MCM2: variants seen among roughly 807,000 people sequenced by gnomAD.
MCM2 encodes minichromosome maintenance complex component 2, also known as DNA replication licensing factor MCM2.
MCM2 carries 49 observed loss-of-function variants against 86.4 expected under a neutral mutation model. The observed-to-expected ratio is 0.57, with a 90% confidence interval of 0.45 to 0.72. The LOEUF is 0.72. Ranked by LOEUF, MCM2 falls within the 30% of genes least tolerant of loss-of-function variation. The pLI is 0.00. For missense variants in MCM2, 1,038 were observed against 1,259.9 expected (o/e 0.82, Z 2.67); for synonymous variants, 475 against 484.6 (o/e 0.98, Z 0.26).
intron 8 of MCM2, chr3:127,611,012 C>T (rs1238337530): frequency 4.4e-6 from 2 of 452,790 alleles, no homozygotes; most frequent in East Asian, 1.4e-4. Flanking sequence ...TGACCCTTGC[C>T]CTCAGAGCTC....
In MCM2 at chr3:127,617,240, C is replaced by T. The variant is rs755173255; in HGVS notation, c.1774-39C>T. On this transcript the variant is annotated intron_variant, in intron 10 of 15. Coordinates refer to ENST00000265056, the MANE Select transcript of MCM2 (RefSeq NM_004526.4). The surrounding 1 kb of genome is among the most constrained non-coding windows in gnomAD (Gnocchi z 4.1). ...CTCATCGGAGACTTAGTAGTAGGGGCGTGAACCATGCTAAGGGTGGGCCAT... is the reference window on the plus strand; with the variant it reads ...CTCATCGGAGACTTAGTAGTAGGGGTGTGAACCATGCTAAGGGTGGGCCAT... The T allele has an allele frequency of 2.1e-5, 34 of 1,612,776 alleles. No homozygotes were observed. Among genetic ancestry groups the T allele is most frequent in the Non-Finnish European group, 2.5e-5 (30 of 1,179,246 alleles).
chr3:127,605,471 G>C, intron 4 of MCM2, among the ~76,000 whole-genome samples: 1 of 34,280 alleles, frequency 2.9e-5, no homozygotes, highest in Admixed American at 4.0e-4. Flanking sequence ...ACGGAGTTTT[G>C]TTCTTGTTTC....
Position 127,617,713 on chromosome 3 carries a change from G to A in MCM2, c.1901-256G>A, listed in dbSNP as rs1203485388. 1.7e-6 allele frequency: 1 copy of A among 587,154 alleles called. No individual in the cohort carries two copies. The highest frequency in any genetic ancestry group is 3.0e-6 in the Non-Finnish European group (1 of 330,272). 36.4% of individuals were successfully genotyped at this position (587,154 alleles called of 1,614,324 possible). On this transcript the variant is annotated intron_variant, in intron 11 of 15. Transcript: ENST00000265056. This position sits in a 1 kb window ranked among gnomAD's most constrained non-coding sequence, Gnocchi z 4.1. ...TGGTCTCAGCAGCGAATGCGTAAAA[G>A]AACCCAGGCTCTGTCACCCACTGTG...
In MCM2 at chr3:127,604,823, T is replaced by C. The variant is rs577729085; in HGVS notation, c.412+40T>C. On this transcript the variant is annotated intron_variant, in intron 3 of 15. Coordinates refer to ENST00000265056, the MANE Select transcript of MCM2 (RefSeq NM_004526.4). ...CTGCCTGCCCGAGGGACTGGGAAGC[T>C]GGGAAGGAGTCTGGGAGGGGAGTAG... is the stretch of plus-strand genomic sequence containing the variant. 9.5e-6 allele frequency: 15 copies of C among 1,572,406 alleles called. 1 individual carries two copies. In the South Asian group the frequency reaches 1.7e-4, roughly 18 times the overall value.
intron 13 of MCM2, 38 bp downstream of exon 13, chr3:127,619,316 G>C (rs2074458576): frequency 1.3e-6 from 2 of 1,595,470 alleles, no homozygotes; most frequent in African/African-American, 1.3e-5. Flanking sequence ...GCTATGCAGA[G>C]AAGGAAGTGC....
In MCM2 at chr3:127,615,915, C is replaced by A; in HGVS notation, c.1482C>A (p.Gly494=). The A allele has an allele frequency of 6.2e-7, 1 of 1,614,196 alleles. No homozygotes were observed. Among genetic ancestry groups the A allele is most frequent in the Non-Finnish European group, 8.5e-7 (1 of 1,180,038 alleles). The change falls in exon 9 of 16, where the codon GGC becomes GGA. Residue 494 remains glycine (G), a synonymous_variant. Coordinates refer to ENST00000265056, the MANE Select transcript of MCM2 (RefSeq NM_004526.4). ...SIYGHEDIKR[G]LALALFGGEP... is the part of the protein sequence containing the mutation. ...ATGGTCATGAAGACATCAAGAGAGG[C>A]CTGGCTCTGGCCCTGTTCGGAGGGG...
chr3:127,609,829 T>C (rs2074380103), intron 8 of MCM2, among the ~76,000 whole-genome samples: 2 of 147,088 alleles, frequency 1.4e-5, no homozygotes, highest in Admixed American at 6.8e-5. Context: ...TGTTTCTCAG[T>C]CAACTTCCTT....
chr3:127,619,235 A>G lies in MCM2; in HGVS notation c.2222A>G (p.Asp741Gly). ...VHPKLNQMDQ[D>G]KVAKMYSDLR... ...CCGAAGCTCAACCAGATGGACCAGGACAAGGTGGCCAAGATGTACAGTGAC... is the reference window on the plus strand; with the variant it reads ...CCGAAGCTCAACCAGATGGACCAGGGCAAGGTGGCCAAGATGTACAGTGAC... The change falls in exon 13 of 16, where the codon GAC (aspartate) becomes GGC (glycine). Residue 741 changes from aspartate to glycine, a missense_variant. Asp to Gly is a moderately conservative substitution (Grantham distance 94). Around this residue, in one of 4 missense-constraint regions of MCM2, gnomAD observed 336 missense variants for 425.7 expected, o/e 0.79. Transcript: ENST00000265056. 1 of 1,614,188 alleles carries G rather than the reference A, an allele frequency of 6.2e-7. No individual in the cohort carries two copies. The highest frequency in any genetic ancestry group is 8.5e-7 in the Non-Finnish European group (1 of 1,180,034).
intron 8 of MCM2, among the ~76,000 whole-genome samples, chr3:127,611,987 C>T (rs986342979): frequency 3.3e-5 from 5 of 152,116 alleles, no homozygotes; most frequent in Non-Finnish European, 5.9e-5. Flanking sequence ...GCGTGAGCCA[C>T]CGCGCCCGGC....
At chr3:127,608,728 T>G in intron 7 of MCM2, 104 bp from the exon 8 acceptor site, 1 of 1,264,400 alleles carries the variant, frequency 7.9e-7, no homozygotes, top group African/African-American at 1.5e-5. Flanking sequence ...TATCTTGGTG[T>G]CTGTAGTGTG....
rs2074448295 is a variant in MCM2 at position 127,618,224 on chromosome 3, T to C, written c.2013+143T>C. ...TTCTAGTCCTGTTCCCTCGGTCTCT[T>C]CTCATGTCCAGAAGTCGCCCTGATT... is the stretch of plus-strand genomic sequence containing the variant. On this transcript the variant is annotated intron_variant, in intron 12 of 15. Coordinates refer to ENST00000265056, the MANE Select transcript of MCM2 (RefSeq NM_004526.4). This position sits in a 1 kb window ranked among gnomAD's most constrained non-coding sequence, Gnocchi z 4.0. 1.5e-6 allele frequency: 1 copy of C among 667,374 alleles called. No individual in the cohort carries two copies. Among genetic ancestry groups the C allele is most frequent in the Admixed American group, 2.2e-5 (1 of 44,776 alleles). The allele number at this position is 667,374 out of a possible 1,614,324, so 41.3% of individuals were successfully genotyped here. A position where few individuals can be genotyped will look rare whatever the true frequency, so the allele number is the denominator to read the frequency against.
At position 127,604,729 on chromosome 3, in the gene MCM2, C is replaced by T. The variant is rs557549454; in HGVS notation, c.358C>T (p.Arg120Cys). ...GGCAGCAGAGCGGGCCATGCGGCAGCGTGACCGGGAGGCTGGCCGGGGCCT... is the reference window on the plus strand; with the variant it reads ...GGCAGCAGAGCGGGCCATGCGGCAGTGTGACCGGGAGGCTGGCCGGGGCCT... ...REAAERAMRQ[R>C]DREAGRGLGR... The change falls in exon 3 of 16, where the codon CGT becomes TGT. Residue 120 changes from arginine to cysteine, a missense_variant. Transcript: ENST00000265056. 1.3e-5 allele frequency: 21 copies of T among 1,610,798 alleles called. No homozygotes were observed. Among genetic ancestry groups the T allele is most frequent in the Admixed American group, 5.0e-5 (3 of 59,752 alleles).
Position 127,606,270 on chromosome 3 carries a change from C to T in MCM2, c.826C>T (p.Arg276Cys), listed in dbSNP as rs981458128. ...ACTGGCCATGTACCCCAAGTACGAC[C>T]GCATCACCAACCACATCCATGTCCG... ...VVLAMYPKYD[R>C]ITNHIHVRIS... Residue 276 changes from arginine (R) to cysteine (C), a missense_variant, in exon 5 of 16, where the codon CGC (arginine) becomes TGC (cysteine). Transcript: ENST00000265056. The surrounding 1 kb of genome is among the most constrained non-coding windows in gnomAD (Gnocchi z 4.2). The T allele has an allele frequency of 1.1e-5, 17 of 1,614,114 alleles. No individual in the cohort carries two copies. The highest frequency in any genetic ancestry group is 2.7e-5 in the African/African-American group (2 of 74,942).
chr3:127,612,792 C>G (rs1362932009), intron 8 of MCM2, among the ~76,000 whole-genome samples: 1 of 152,138 alleles, frequency 6.6e-6, no homozygotes, highest in Non-Finnish European at 1.5e-5. Flanking sequence ...AAGCAGCACA[C>G]CTAGAGCCAG....
chr3:127,617,762 A>C lies in MCM2; in HGVS notation c.1901-207A>C. On this transcript the variant is annotated intron_variant, in intron 11 of 15. Coordinates refer to ENST00000265056, the MANE Select transcript of MCM2 (RefSeq NM_004526.4). The surrounding 1 kb of genome is among the most constrained non-coding windows in gnomAD (Gnocchi z 4.1). ...TGTTCTTGGTTTTTCCTCCTGGGGA[A>C]GCAGTTATGCTTTCTGTCTAAATTA... is the stretch of plus-strand genomic sequence containing the variant. The C allele has an allele frequency of 1.7e-6, 1 of 591,190 alleles. No homozygotes were observed. Among genetic ancestry groups the C allele is most frequent in the Non-Finnish European group, 3.0e-6 (1 of 332,144 alleles). The allele number at this position is 591,190 out of a possible 1,614,324, so 36.6% of individuals were successfully genotyped here. A position where few individuals can be genotyped will look rare whatever the true frequency, so the allele number is the denominator to read the frequency against.
chr3:127,619,311 G>T (rs751133795), intron 13 of MCM2, 33 bp downstream of exon 13: 1 of 1,598,858 alleles, frequency 6.3e-7, no homozygotes, highest in South Asian at 1.1e-5. Context: ...GAGGTGCTAT[G>T]CAGAGAAGGA....
chr3:127,617,981 ACC>A lies in MCM2; in HGVS notation c.1916_1917del (p.Pro639LeufsTer6). 6.2e-7 allele frequency: 1 copy of A among 1,613,072 alleles called. No homozygotes were observed. The highest frequency in any genetic ancestry group is 8.5e-7 in the Non-Finnish European group (1 of 1,179,626). On this transcript the variant is annotated frameshift_variant, in exon 12 of 16. Transcript: ENST00000265056. LOFTEE classifies it high-confidence loss of function. The surrounding 1 kb of genome is among the most constrained non-coding windows in gnomAD (Gnocchi z 4.1). ...CCCTGTGTTTCAGGAGGGCGCTACG[ACC>A]CCTCGCTGACTTTCTCTGAGAACGT...
Position 127,606,328 on chromosome 3 carries a change from G to A in MCM2, c.884G>A (p.Arg295His), listed in dbSNP as rs1202619807. ...CACCTGCCTCTGGTGGAGGAGCTGCGCTCGCTGAGGTGAGCTGAGGGCAGG... is the reference window on the plus strand; with the variant it reads ...CACCTGCCTCTGGTGGAGGAGCTGCACTCGCTGAGGTGAGCTGAGGGCAGG... ...ISHLPLVEEL[R>H]SLRQLHLNQL... The change falls in exon 5 of 16, where the codon CGC (arginine) becomes CAC (histidine). Residue 295 changes from arginine (R) to histidine (H), a missense_variant. Arg to His is a conservative substitution (Grantham distance 29). Coordinates refer to ENST00000265056, the MANE Select transcript of MCM2 (RefSeq NM_004526.4). The surrounding 1 kb of genome is among the most constrained non-coding windows in gnomAD (Gnocchi z 4.2). 1.1e-5 allele frequency: 17 copies of A among 1,614,084 alleles called. No individual in the cohort carries two copies. Among genetic ancestry groups the A allele is most frequent in the Non-Finnish European group, 1.4e-5 (16 of 1,180,012 alleles).
chr3:127,615,985 G>T (rs1474003626), intron 9 of MCM2, 30 bp downstream of exon 9: 1 of 1,538,066 alleles, frequency 6.5e-7, no homozygotes, highest in Admixed American at 1.7e-5. Context: ...CTGCAGGGGT[G>T]TTAGCAGCTT....
Sources: allele counts gnomAD v4.1 joint callset (sites outside exome capture counted in the v4.1 genomes callset), GRCh38; gene constraint gnomAD v4.1.1; regional missense constraint gnomAD v4.1.1; non-coding constraint Gnocchi (gnomAD v3.1); transcripts MANE v1.5; gene names NCBI Gene and HGNC (gene_info 2026-07-23, HGNC 2026-07-21).